Variants in TSGA10 observed in about 807,000 individuals in gnomAD.
TSGA10 encodes the protein testis-specific gene 10 protein.
TSGA10 carries 43 observed loss-of-function variants against 96.6 expected under a neutral mutation model. The ratio of observed to expected loss-of-function variants is 0.44; its 90% CI spans 0.35 to 0.57. The LOEUF is 0.57. Among genes scored for constraint, TSGA10 ranks in the 20% least tolerant of loss-of-function variants. The pLI is 0.01. For missense variants in TSGA10, 703 were observed against 834.4 expected (o/e 0.84, Z 1.94); for synonymous variants, 229 against 269.9 (o/e 0.85, Z 1.48).
At chr2:99,102,596 ACATGCTCAGTT>A (rs1236741777) in intron 10 of TSGA10, 1 of 1,614,006 alleles carries the variant, frequency 6.2e-7, no homozygotes, top group Admixed American at 1.7e-5. Context: ...AACTTGCTGT[ACATGCTCAGTT>A]TATTACAACT....
chr2:99,018,703 T>A, intron 18 of TSGA10, 63 bp from the exon 19 acceptor site: 2 of 1,391,006 alleles, frequency 1.4e-6, no homozygotes, highest in South Asian at 1.3e-5. Context: ...GATTCTGGGG[T>A]ACATGAAACC....
chr2:99,095,982 C>G (rs899608680), intron 10 of TSGA10, among the ~76,000 whole-genome samples: 1 of 152,188 alleles, frequency 6.6e-6, no homozygotes, highest in Non-Finnish European at 1.5e-5. Flanking sequence ...GCAGCCCCAA[C>G]TTTGACAGCC....
chr2:99,072,497 G>C (rs552014820), intron 13 of TSGA10, among the ~76,000 whole-genome samples: 2 of 152,054 alleles, frequency 1.3e-5, no homozygotes, highest in African/African-American at 2.4e-5. Context: ...CCAGAAACTT[G>C]GCATTTTCCT....
intron 6 of TSGA10, 42 bp downstream of exon 6, chr2:99,109,347 G>C: frequency 6.3e-7 from 1 of 1,588,690 alleles, no homozygotes; most frequent in Non-Finnish European, 8.6e-7. Flanking sequence ...GCCAGTGTCT[G>C]GGCAACAAAC....
Position 99,058,525 on chromosome 2 carries a change from A to C in TSGA10, c.1404+6414T>G, listed in dbSNP as rs550603567. Among the ~76,000 whole-genome samples, 34 of 151,914 alleles carry C rather than the reference A, an allele frequency of 2.2e-4. No individual in the cohort carries two copies. The South Asian group carries it at 6.8e-3, about 31-fold the overall frequency. On this transcript the variant is annotated intron_variant, in intron 16 of 20. Coordinates refer to ENST00000393483, the MANE Select transcript of TSGA10 (RefSeq NM_025244.4). ...AAAACTAGTTCATTAATAGAGAAAA[A>C]TCAATTAAATTAATACTCCTTCTTT... is the stretch of plus-strand genomic sequence containing the variant.
intron 20 of TSGA10, among the ~76,000 whole-genome samples, chr2:99,003,846 C>T (rs1454098836): frequency 6.6e-6 from 1 of 152,072 alleles, no homozygotes; most frequent in African/African-American, 2.4e-5. Flanking sequence ...CAAGAGAAAG[C>T]AGGAAAGATC....
chr2:99,096,733 G>T (rs575635944), intron 10 of TSGA10, among the ~76,000 whole-genome samples: 20 of 152,250 alleles, frequency 1.3e-4, no homozygotes, highest in Middle Eastern at 6.8e-3. Flanking sequence ...AACAGACTTT[G>T]CTATCTAAGC....
chr2:99,028,535 A>G (rs771749539), intron 17 of TSGA10, among the ~76,000 whole-genome samples: 3 of 152,168 alleles, frequency 2.0e-5, no homozygotes, highest in Non-Finnish European at 4.4e-5. Flanking sequence ...TGTAGTTACC[A>G]TGCTGTACAT....
chr2:99,101,286 G>A (rs917559508), intron 10 of TSGA10, among the ~76,000 whole-genome samples: 24 of 140,982 alleles, frequency 1.7e-4, no homozygotes, highest in Non-Finnish European at 3.0e-4. Flanking sequence ...AAATCAAATG[G>A]GAAAGATGAA....
At position 98,997,844 on chromosome 2, in the gene TSGA10, G is replaced by A. The variant is rs553552324; in HGVS notation, c.*353C>T. On this transcript the variant is annotated 3_prime_UTR_variant, in exon 21 of 21. Coordinates refer to ENST00000393483, the MANE Select transcript of TSGA10 (RefSeq NM_025244.4). ...AAAAAAATTAACCAACCAATTATTT[G>A]AGATACCAAGAAAGGAAAGGAAAGC... 8.8e-5 allele frequency: 16 copies of A among 182,376 alleles called. No individual in the cohort carries two copies. The highest frequency in any genetic ancestry group is 1.7e-4 in the Non-Finnish European group (15 of 88,568). The allele number at this position is 182,376 out of a possible 1,614,324, so 11.3% of individuals were successfully genotyped here. A position where few individuals can be genotyped will look rare whatever the true frequency, so the allele number is the denominator to read the frequency against.
intron 10 of TSGA10, among the ~76,000 whole-genome samples, chr2:99,088,928 C>G (rs2088919405): frequency 6.6e-6 from 1 of 152,176 alleles, no homozygotes; most frequent in Non-Finnish European, 1.5e-5. Context: ...CTCAGACGAA[C>G]AAAGCAGTGT....
intron 1 of TSGA10, among the ~76,000 whole-genome samples, chr2:99,129,100 C>T (rs2092955598): frequency 6.6e-6 from 1 of 152,156 alleles, no homozygotes; most frequent in Non-Finnish European, 1.5e-5. Context: ...GAGCCTTGCC[C>T]TCACTATTTT....
chr2:99,100,076 C>T (rs1040182899), intron 10 of TSGA10, among the ~76,000 whole-genome samples: 1 of 152,036 alleles, frequency 6.6e-6, no homozygotes, highest in Non-Finnish European at 1.5e-5. Context: ...CCAGAAGACT[C>T]AAATAACATA....
intron 1 of TSGA10, chr2:99,147,604 C>G: frequency 1.1e-6 from 1 of 917,696 alleles, no homozygotes; most frequent in Non-Finnish European, 1.7e-6. Flanking sequence ...CATTCTTTTA[C>G]GTTTGTTGAT....
intron 18 of TSGA10, 30 bp downstream of exon 18, chr2:99,020,250 G>T: frequency 1.3e-6 from 2 of 1,579,562 alleles, no homozygotes; most frequent in South Asian, 2.2e-5. Context: ...TAAGATGTAT[G>T]ACTTTACTTT....
rs1307766439 is a variant in TSGA10, at chr2:99,081,283, A to G, written c.726T>C (p.Ile242=). Residue 242 remains isoleucine (I), a splice_region_variant and synonymous_variant, in exon 11 of 21, where the codon ATT becomes ATC. Coordinates refer to ENST00000393483, the MANE Select transcript of TSGA10 (RefSeq NM_025244.4). The part of the protein sequence containing the change: ...QEKIMCLDEK[I]DNFTRQNIAQ... ...TAATATTAAGAGAAAAAAACTCACC[A>G]ATTTTTTCATCCAAGCACATAATTT... 2 of 1,533,006 alleles carry G rather than the reference A, an allele frequency of 1.3e-6. No individual in the cohort carries two copies. Among genetic ancestry groups the G allele is most frequent in the African/African-American group, 1.4e-5 (1 of 71,822 alleles). The allele number at this position is 1,533,006 out of a possible 1,614,324, so 95.0% of individuals were successfully genotyped here. A position where few individuals can be genotyped will look rare whatever the true frequency, so the allele number is the denominator to read the frequency against.
At chr2:99,046,188 C>T (rs564581408) in intron 16 of TSGA10, among the ~76,000 whole-genome samples, 1 of 151,986 alleles carries the variant, frequency 6.6e-6, no homozygotes, top group Non-Finnish European at 1.5e-5. Flanking sequence ...AACAAGGATA[C>T]CCAGGAATTG....
In TSGA10 at chr2:99,065,054, T is replaced by C; in HGVS notation, c.1289A>G (p.Lys430Arg). 6.2e-7 allele frequency: 1 copy of C among 1,613,934 alleles called. No homozygotes were observed. Among genetic ancestry groups the C allele is most frequent in the Non-Finnish European group, 8.5e-7 (1 of 1,179,898 alleles). The change falls in exon 16 of 21, where the codon AAA becomes AGA. Residue 430 changes from lysine to arginine, a missense_variant. Lys to Arg is a conservative substitution (Grantham distance 26). Transcript: ENST00000393483. ...GTTATCTGCCTCTGATTGACGGGCT[T>C]TATTTTCCCAGTTTTCAGCATCTTC... is the stretch of plus-strand genomic sequence containing the variant. ...ANEDAENWEN[K>R]ARQSEADNNT...
At chr2:99,065,642 T>C (rs1228842378) in intron 15 of TSGA10, among the ~76,000 whole-genome samples, 1 of 152,226 alleles carries the variant, frequency 6.6e-6, no homozygotes, top group Non-Finnish European at 1.5e-5. Context: ...GCCCCAGCCT[T>C]AATTATCTTG....
Sources: gnomAD v4.1 joint callset for allele counts (sites outside exome capture counted in the v4.1 genomes callset) on GRCh38, gnomAD v4.1.1 for gene constraint, MANE v1.5 for transcripts, NCBI Gene and HGNC (gene_info 2026-07-23, HGNC 2026-07-21) for gene names.